BCOR: variants seen among roughly 807,000 people sequenced by gnomAD.
BCOR encodes the protein BCL-6 corepressor.
Under a neutral mutation model 86.7 loss-of-function variants are expected in BCOR, and 10 were observed. That is an observed-to-expected ratio of 0.12 (90% CI 0.07 to 0.20). BCOR has a LOEUF of 0.20. Ranked by LOEUF, BCOR falls within the 10% of genes least tolerant of loss-of-function variation. The pLI is 1.00. For missense variants in BCOR, 1,259 were observed against 1,452.1 expected, an observed-to-expected ratio of 0.87 and a Z score of 2.16; for synonymous variants, 611 against 609.0, an observed-to-expected ratio of 1.00 and a Z score of -0.05.
At chrX:40,127,247 C>T (rs1042498318) in intron 1 of BCOR, among the ~76,000 whole-genome samples, 4 of 112,030 alleles carry the variant, frequency 3.6e-5, no homozygotes, top group South Asian at 7.3e-4. Flanking sequence ...GAGGCTGCCA[C>T]GTAAGGAAGC....
chrX:40,114,811 A>G (rs1352784695), intron 1 of BCOR, among the ~76,000 whole-genome samples: 1 of 98,326 alleles, frequency 1.0e-5, no homozygotes, highest in East Asian at 3.2e-4. Flanking sequence ...TCTCACTCAC[A>G]CCCCAAAATA....
intron 1 of BCOR, among the ~76,000 whole-genome samples, chrX:40,144,032 G>A (rs773786361): frequency 6.3e-5 from 7 of 111,966 alleles, no homozygotes; most frequent in South Asian, 3.7e-4. Context: ...GGAAGGCTCC[G>A]GTTTGAACTC....
chrX:40,115,901 C>G (rs980415002), intron 1 of BCOR, among the ~76,000 whole-genome samples: 1 of 111,523 alleles, frequency 9.0e-6, no homozygotes, highest in African/African-American at 3.3e-5. Context: ...CAATGTCTGG[C>G]GAGATTATAA....
chrX:40,100,464 G>A (rs1209327434), upstream of BCOR, among the ~76,000 whole-genome samples: 1 of 112,615 alleles, frequency 8.9e-6, no homozygotes, highest in African/African-American at 3.2e-5. Context: ...GAAGTCGCAT[G>A]TAAACGTCCA....
At chrX:40,169,657 T>TC (rs200157942) in intron 1 of BCOR, among the ~76,000 whole-genome samples, 10 of 107,676 alleles carry the variant, frequency 9.3e-5, no homozygotes, top group African/African-American at 2.4e-4. Context: ...TATAGGACAA[T>TC]CCCCCCCCTA....
At chrX:40,068,390 C>G (rs1274460376) in intron 6 of BCOR, among the ~76,000 whole-genome samples, 2 of 112,147 alleles carry the variant, frequency 1.8e-5, no homozygotes, top group Non-Finnish European at 3.8e-5. Flanking sequence ...TCTGTCTGCC[C>G]AAACTCAAAG....
At chrX:40,088,376 G>C (rs1936453058) in intron 1 of BCOR, among the ~76,000 whole-genome samples, 1 of 112,613 alleles carries the variant, frequency 8.9e-6, no homozygotes, top group Non-Finnish European at 1.9e-5. Context: ...GTCAGCAAAG[G>C]CTGTAAGGCA....
intron 1 of BCOR, among the ~76,000 whole-genome samples, chrX:40,111,874 T>C (rs1937317609): frequency 9.0e-6 from 1 of 111,704 alleles, no homozygotes; most frequent in South Asian, 3.8e-4. Flanking sequence ...ATATCTTACT[T>C]TTCTAGCAAC....
rs1167322360 is a variant in BCOR, at chrX:40,097,486, G to C, written c.-312C>G. 9.5e-6 allele frequency: 1 copy of C among 105,255 alleles called. No homozygotes were observed. Among genetic ancestry groups the C allele is most frequent in the Non-Finnish European group, 2.0e-5 (1 of 50,334 alleles). The allele number at this position is 105,255 out of a possible 1,213,427, so 8.7% of individuals were successfully genotyped here. A position where few individuals can be genotyped will look rare whatever the true frequency, so the allele number is the denominator to read the frequency against. ...ACTCCCTCGCCGTCTGCTGGCAGCCGGCTGCCCTCGGGGTCGGCCCCGCCG... is the reference window on the plus strand; with the variant it reads ...ACTCCCTCGCCGTCTGCTGGCAGCCCGCTGCCCTCGGGGTCGGCCCCGCCG... On this transcript the variant is annotated 5_prime_UTR_variant, in exon 1 of 15. Coordinates refer to ENST00000378444, the MANE Select transcript of BCOR (RefSeq NM_001123385.2).
chrX:40,161,506 C>CTTTTTTTTTTTT (rs749528691), intron 1 of BCOR, among the ~76,000 whole-genome samples: 2 of 55,978 alleles, frequency 3.6e-5, no homozygotes, highest in Non-Finnish European at 6.3e-5. Flanking sequence ...CGATTCTCCC[C>CTTTTTTTTTTTT]TTTTTTTTTT....
chrX:40,162,829 A>G (rs1938446757), intron 1 of BCOR, among the ~76,000 whole-genome samples: 2 of 112,134 alleles, frequency 1.8e-5, no homozygotes, highest in African/African-American at 6.5e-5. Flanking sequence ...ACAATAAACT[A>G]GCAGATCAAA....
At position 40,062,327 on chromosome X, in the gene BCOR, G is replaced by C. The variant is rs1602122136; in HGVS notation, c.4240C>G (p.Gln1414Glu). 8.3e-7 allele frequency: 1 copy of C among 1,208,166 alleles called. No homozygotes were observed. Among genetic ancestry groups the C allele is most frequent in the Non-Finnish European group, 1.1e-6 (1 of 893,944 alleles). ...AAGCGGTCGAAGGGCTTTGGCTCCTGCTTGGCTGGTGACAGATCATAGTCC... is the reference window on the plus strand; with the variant it reads ...AAGCGGTCGAAGGGCTTTGGCTCCTCCTTGGCTGGTGACAGATCATAGTCC... ...SSDYDLSPAK[Q>E]EPKPFDRLQQ... Residue 1414 changes from glutamine (Q) to glutamate (E), a missense_variant, in exon 10 of 15, where the codon CAG (glutamine) becomes GAG (glutamate). Coordinates refer to ENST00000378444, the MANE Select transcript of BCOR (RefSeq NM_001123385.2).
rs760214089 is a variant in BCOR, at chrX:40,127,466, G to A, written c.-40-49497C>T. Among the ~76,000 whole-genome samples, 7 of 112,436 alleles carry A rather than the reference G, an allele frequency of 6.2e-5. No individual in the cohort carries two copies. In the South Asian group the frequency reaches 2.6e-3, roughly 41 times the overall value. On this transcript the variant is annotated intron_variant, in intron 1 of 14. Transcript: ENST00000342274. Reference sequence around the variant, plus strand: ...AACTTACCCAATTGTGATAGAAGAAGAAATTGTTGCTTTAAGCTACTATGG... The same window carrying A: ...AACTTACCCAATTGTGATAGAAGAAAAAATTGTTGCTTTAAGCTACTATGG...
intron 10 of BCOR, 114 bp from the exon 11 acceptor site, chrX:40,057,435 T>C (rs1206582307): frequency 2.5e-6 from 2 of 802,291 alleles, no homozygotes; most frequent in Non-Finnish European, 3.7e-6. Flanking sequence ...CCTGAGAACC[T>C]CTCGGGCGGG....
chrX:40,141,812 C>G (rs1937928853), intron 1 of BCOR, among the ~76,000 whole-genome samples: 1 of 111,577 alleles, frequency 9.0e-6, no homozygotes, highest in Non-Finnish European at 1.9e-5. Flanking sequence ...CTCTCGCACT[C>G]CCACCACTGG....
chrX:40,066,921 ACCC>A (rs573109269), intron 6 of BCOR, among the ~76,000 whole-genome samples: 830 of 39,392 alleles, frequency 0.021, 26 homozygotes, highest in African/African-American at 0.069. Context: ...TCCCAGAGAC[ACCC>A]CCCCCCCCCC....
intron 12 of BCOR, among the ~76,000 whole-genome samples, chrX:40,054,740 T>C (rs908370692): frequency 1.8e-5 from 2 of 112,628 alleles, no homozygotes; most frequent in Non-Finnish European, 3.8e-5. Flanking sequence ...TGACCTTTGG[T>C]GATCCACCTG....
At chrX:40,154,763 C>G (rs1938249926) in intron 1 of BCOR, among the ~76,000 whole-genome samples, 1 of 112,204 alleles carries the variant, frequency 8.9e-6, no homozygotes, top group African/African-American at 3.2e-5. Context: ...AGCCAAGGGT[C>G]CGGATCTTTC....
rs201414203 is a variant in BCOR, at chrX:40,064,330, G to A, written c.3502+6C>T. On this transcript the variant is annotated splice_donor_region_variant and intron_variant, in intron 7 of 14. Transcript: ENST00000378444. ...CCGGCAGGCGGGCGAAGCAGACAGG[G>A]CTCACCTTTAGAGACTCGTCGGCGT... The A allele has an allele frequency of 2.5e-6, 3 of 1,211,153 alleles. No homozygotes were observed. In the East Asian group the frequency reaches 8.9e-5, roughly 36 times the overall value.
Sources: gnomAD v4.1 joint callset for allele counts (sites outside exome capture counted in the v4.1 genomes callset) on GRCh38, gnomAD v4.1.1 for gene constraint, MANE v1.5 for transcripts, NCBI Gene and HGNC (gene_info 2026-07-23, HGNC 2026-07-21) for gene names.